The following IQGAP1 variants were observed in gnomAD, a reference collection of about 807,000 sequenced individuals.
IQGAP1 encodes ras GTPase-activating-like protein IQGAP1.
In IQGAP1, 66 loss-of-function variants were observed where a neutral mutation model predicts 215.6. That is an observed-to-expected ratio of 0.31 (90% CI 0.25 to 0.38). The LOEUF is 0.38. Ranked by LOEUF, IQGAP1 falls within the 10% of genes least tolerant of loss-of-function variation. IQGAP1 has a pLI of 1.00. For synonymous variants in IQGAP1, 772 were observed against 728.7 expected (o/e 1.06, Z -0.96); for missense variants, 1,712 against 1,997.1 (o/e 0.86, Z 2.72).
chr15:90,437,263 C>T (rs1965383029), intron 5 of IQGAP1, among the ~76,000 whole-genome samples: 1 of 152,198 alleles, frequency 6.6e-6, no homozygotes, highest in South Asian at 2.1e-4. Context: ...AAACCTGCCC[C>T]CATTGATCCA....
intron 2 of IQGAP1, among the ~76,000 whole-genome samples, chr15:90,400,975 T>C (rs1348520977): frequency 3.3e-5 from 5 of 152,224 alleles, no homozygotes; most frequent in Admixed American, 6.5e-5. Flanking sequence ...AATAAACCCC[T>C]TGACAAGAAG....
chr15:90,497,941 TTC>T (rs1289443093), intron 37 of IQGAP1, among the ~76,000 whole-genome samples: 2 of 152,094 alleles, frequency 1.3e-5, no homozygotes, highest in South Asian at 2.1e-4. Flanking sequence ...GTTAGTCTGC[TTC>T]TCTCTCCTTT....
chr15:90,452,183 G>A (rs371884037), intron 11 of IQGAP1, among the ~76,000 whole-genome samples: 9 of 152,114 alleles, frequency 5.9e-5, no homozygotes, highest in South Asian at 2.1e-4. Context: ...ACTTTGGCTC[G>A]CACACACTTC....
intron 19 of IQGAP1, 83 bp from the exon 20 acceptor site, chr15:90,473,632 C>G: frequency 1.1e-6 from 1 of 947,704 alleles, no homozygotes; most frequent in Admixed American, 2.1e-5. Context: ...GCACTTGGAT[C>G]ATGTATCAAG....
rs1346831067 is a variant in IQGAP1, at chr15:90,391,113, C to T, written c.155+240C>T. Reference sequence around the variant, plus strand: ...ATTAGCCAGGCATGGTGGTGCATGCCAGTAGTCCTAGCTACTCGGGAGCCT... The same window carrying T: ...ATTAGCCAGGCATGGTGGTGCATGCTAGTAGTCCTAGCTACTCGGGAGCCT... On this transcript the variant is annotated intron_variant, in intron 2 of 37. Coordinates refer to ENST00000268182, the MANE Select transcript of IQGAP1 (RefSeq NM_003870.4). The T allele has an allele frequency of 2.4e-5, 9 of 372,196 alleles. No homozygotes were observed. In the East Asian group the frequency reaches 5.1e-4, roughly 21 times the overall value. 23.1% of individuals were successfully genotyped at this position (372,196 alleles called of 1,614,324 possible).
At chr15:90,415,702 C>A (rs920321107) in intron 2 of IQGAP1, among the ~76,000 whole-genome samples, 1 of 152,142 alleles carries the variant, frequency 6.6e-6, no homozygotes, top group East Asian at 1.9e-4. Flanking sequence ...CAAATGGGGT[C>A]AATTCTACCT....
chr15:90,482,493 A>G (rs1213201369), intron 28 of IQGAP1, among the ~76,000 whole-genome samples: 3 of 152,230 alleles, frequency 2.0e-5, no homozygotes, highest in Non-Finnish European at 2.9e-5. Flanking sequence ...TCAAACAAGT[A>G]GAAAGATGGA....
At position 90,493,221 on chromosome 15, in the gene IQGAP1, C is replaced by T. The variant is rs566395709; in HGVS notation, c.4628+510C>T. Among the ~76,000 whole-genome samples, 16 of 148,224 alleles carry T rather than the reference C, an allele frequency of 1.1e-4. No individual in the cohort carries two copies. The South Asian group carries it at 1.5e-3, about 14-fold the overall frequency. ...TTGCATCACTACACTCCAGCCTGGGCGACAGAACAAGACTCTGGAAAAAAA... is the reference window on the plus strand; with the variant it reads ...TTGCATCACTACACTCCAGCCTGGGTGACAGAACAAGACTCTGGAAAAAAA... On this transcript the variant is annotated intron_variant, in intron 35 of 37. Coordinates refer to ENST00000268182, the MANE Select transcript of IQGAP1 (RefSeq NM_003870.4).
intron 4 of IQGAP1, among the ~76,000 whole-genome samples, chr15:90,433,273 C>T (rs1424939586): frequency 1.3e-5 from 2 of 152,072 alleles, no homozygotes; most frequent in African/African-American, 2.4e-5. Context: ...CAAACTAAAG[C>T]ACTTAGTAAA....
chr15:90,446,899 A>G (rs1965534654), intron 9 of IQGAP1, among the ~76,000 whole-genome samples: 1 of 152,192 alleles, frequency 6.6e-6, no homozygotes. Flanking sequence ...TGCAATATAA[A>G]TGTTTATAGA....
chr15:90,415,640 T>G (rs1477284255), intron 2 of IQGAP1, among the ~76,000 whole-genome samples: 2 of 152,220 alleles, frequency 1.3e-5, no homozygotes, highest in Non-Finnish European at 2.9e-5. Context: ...CTGTGAGATT[T>G]CACATCTTTC....
chr15:90,456,083 T>C, intron 14 of IQGAP1, 69 bp from the exon 15 acceptor site: 1 of 1,345,086 alleles, frequency 7.4e-7, no homozygotes, highest in Non-Finnish European at 1.0e-6. Context: ...AGTTAGCATG[T>C]TCCATGATTG....
At chr15:90,498,343 A>G (rs1396166108) in intron 37 of IQGAP1, among the ~76,000 whole-genome samples, 1 of 103,010 alleles carries the variant, frequency 9.7e-6, no homozygotes, top group East Asian at 2.2e-4. Flanking sequence ...ACAGCTAACT[A>G]AAGTACTTCC....
At chr15:90,480,982 C>T (rs1186316130) in intron 26 of IQGAP1, among the ~76,000 whole-genome samples, 1 of 152,162 alleles carries the variant, frequency 6.6e-6, no homozygotes, top group African/African-American at 2.4e-5. Flanking sequence ...CTTGTATTTT[C>T]TAAGGCTGCC....
intron 2 of IQGAP1, among the ~76,000 whole-genome samples, chr15:90,414,721 C>A (rs1439535842): frequency 6.6e-6 from 1 of 152,146 alleles, no homozygotes; most frequent in African/African-American, 2.4e-5. Context: ...GTGGGCTTAT[C>A]TACTCTTGTG....
At chr15:90,455,100 G>A (rs1452490351) in intron 14 of IQGAP1, among the ~76,000 whole-genome samples, 1 of 152,188 alleles carries the variant, frequency 6.6e-6, no homozygotes, top group Non-Finnish European at 1.5e-5. Flanking sequence ...GGCAATATCT[G>A]TGAGAGTCCC....
chr15:90,438,668 G>C (rs1236526203), intron 5 of IQGAP1, among the ~76,000 whole-genome samples: 2 of 151,752 alleles, frequency 1.3e-5, no homozygotes, highest in African/African-American at 4.8e-5. Context: ...AAAACTTATT[G>C]ATTACAGGAA....
intron 2 of IQGAP1, among the ~76,000 whole-genome samples, chr15:90,410,068 G>A (rs532487927): frequency 6.6e-6 from 1 of 152,300 alleles, no homozygotes; most frequent in African/African-American, 2.4e-5. Flanking sequence ...CAGATGAGCA[G>A]ATTGCAAAAA....
intron 2 of IQGAP1, among the ~76,000 whole-genome samples, chr15:90,419,377 A>G (rs762691022): frequency 3.3e-5 from 5 of 152,190 alleles, no homozygotes; most frequent in African/African-American, 7.2e-5. Context: ...TGTCATTTAT[A>G]TTGAAAATGA....
Sources: allele counts gnomAD v4.1 joint callset (sites outside exome capture counted in the v4.1 genomes callset), GRCh38; gene constraint gnomAD v4.1.1; transcripts MANE v1.5; gene names NCBI Gene and HGNC (gene_info 2026-07-23, HGNC 2026-07-21).